Variants in KSR1 observed in about 807,000 individuals in gnomAD.
KSR1 encodes the protein kinase suppressor of ras.
A neutral mutation model predicts 92.9 loss-of-function variants in KSR1; 35 were observed. The observed-to-expected ratio is 0.38, with a 90% CI of 0.29 to 0.50. The LOEUF (loss-of-function observed/expected upper bound fraction) is 0.50, where lower values mean the gene tolerates loss of function less well. Among genes scored for constraint, KSR1 ranks in the 20% least tolerant of loss-of-function variants. The pLI is 0.94. For synonymous variants in KSR1, 467 were observed against 472.6 expected, an observed-to-expected ratio of 0.99 and a Z score of 0.15; for missense variants, 972 against 1,158.5, an observed-to-expected ratio of 0.84 and a Z score of 2.34.
intron 2 of KSR1, among the ~76,000 whole-genome samples, chr17:27,573,898 T>G (rs1051294991): frequency 6.6e-6 from 1 of 152,248 alleles, no homozygotes; most frequent in Non-Finnish European, 1.5e-5. Context: ...TAATAATAAA[T>G]GTAGTTACTT....
chr17:27,501,814 C>G (rs1187975909), intron 1 of KSR1, among the ~76,000 whole-genome samples: 1 of 152,270 alleles, frequency 6.6e-6, no homozygotes, highest in Non-Finnish European at 1.5e-5. Context: ...TAATTTTCAT[C>G]ACAATGATTG....
intron 1 of KSR1, among the ~76,000 whole-genome samples, chr17:27,501,003 A>G (rs192231538): frequency 2.0e-5 from 3 of 152,298 alleles, no homozygotes; most frequent in East Asian, 1.9e-4. Context: ...AGCCCTTCCT[A>G]TGTACCAGGC....
At chr17:27,611,173 C>T in intron 17 of KSR1, 1 of 319,224 alleles carries the variant, frequency 3.1e-6, no homozygotes, top group South Asian at 4.2e-5. Context: ...GACATTAGCC[C>T]CACTGAGGTG....
intron 13 of KSR1, among the ~76,000 whole-genome samples, chr17:27,605,028 G>T (rs905408651): frequency 6.6e-6 from 1 of 152,236 alleles, no homozygotes; most frequent in Non-Finnish European, 1.5e-5. Flanking sequence ...TTATGGCTTG[G>T]AGAATGTTAA....
intron 2 of KSR1, among the ~76,000 whole-genome samples, chr17:27,572,935 T>C (rs914285393): frequency 6.6e-6 from 1 of 152,166 alleles, no homozygotes; most frequent in Admixed American, 6.5e-5. Context: ...TAAGTTAACA[T>C]TGGGTCTCAG....
At chr17:27,541,860 C>T (rs530493095) in intron 1 of KSR1, among the ~76,000 whole-genome samples, 2 of 152,306 alleles carry the variant, frequency 1.3e-5, no homozygotes, top group South Asian at 4.1e-4. Flanking sequence ...AGTGACTTGT[C>T]ATTTGGCTGA....
At chr17:27,502,474 A>G (rs902098703) in intron 1 of KSR1, among the ~76,000 whole-genome samples, 15 of 152,120 alleles carry the variant, frequency 9.9e-5, no homozygotes, top group South Asian at 6.2e-4. Context: ...TCCCTGTACA[A>G]TCTTTTCCTT....
At chr17:27,560,490 A>G (rs1186102892) in intron 2 of KSR1, 2 of 518,920 alleles carry the variant, frequency 3.9e-6, no homozygotes, top group East Asian at 5.5e-5. Flanking sequence ...CTGACTGGAC[A>G]TGTTTCTCTT....
intron 19 of KSR1, among the ~76,000 whole-genome samples, chr17:27,620,267 C>T (rs1215869894): frequency 1.3e-5 from 2 of 152,192 alleles, no homozygotes; most frequent in South Asian, 2.1e-4. Flanking sequence ...TAGAGGTATA[C>T]ATTTTAGGCA....
chr17:27,498,009 C>T (rs1407107535), intron 1 of KSR1, among the ~76,000 whole-genome samples: 1 of 152,128 alleles, frequency 6.6e-6, no homozygotes, highest in Non-Finnish European at 1.5e-5. Flanking sequence ...TTTTTTCCTT[C>T]AGTAGCAGTA....
At chr17:27,604,568 G>A in intron 12 of KSR1, 112 bp from the exon 13 acceptor site, 1 of 1,085,770 alleles carries the variant, frequency 9.2e-7, no homozygotes, top group Non-Finnish European at 1.4e-6. Flanking sequence ...CCCCTAGCCA[G>A]GTGTGAGTCA....
chr17:27,530,230 A>G (rs946775032), intron 1 of KSR1, among the ~76,000 whole-genome samples: 1 of 152,104 alleles, frequency 6.6e-6, no homozygotes, highest in Admixed American at 6.6e-5. Flanking sequence ...GGATCGCTGG[A>G]GCCCAGGAGT....
At chr17:27,482,554 T>C (rs777385688) in intron 1 of KSR1, among the ~76,000 whole-genome samples, 3 of 152,260 alleles carry the variant, frequency 2.0e-5, no homozygotes, top group Non-Finnish European at 4.4e-5. Context: ...CATTATTTTA[T>C]ACTGATGACG....
intron 5 of KSR1, among the ~76,000 whole-genome samples, chr17:27,587,983 C>T (rs1253986356): frequency 1.3e-5 from 2 of 152,230 alleles, no homozygotes; most frequent in African/African-American, 4.8e-5. Context: ...AGAGGAATAT[C>T]CTCCAGGGGC....
At chr17:27,536,593 G>T (rs993990029) in intron 1 of KSR1, among the ~76,000 whole-genome samples, 1 of 152,154 alleles carries the variant, frequency 6.6e-6, no homozygotes, top group Non-Finnish European at 1.5e-5. Context: ...TTCGCTTCCC[G>T]CCCCATGCCT....
chr17:27,521,646 T>C (rs1166206795), intron 1 of KSR1, among the ~76,000 whole-genome samples: 7 of 151,936 alleles, frequency 4.6e-5, no homozygotes, highest in Non-Finnish European at 8.8e-5. Flanking sequence ...TTGCCCAGGC[T>C]GGTCTCAAAC....
In KSR1 at chr17:27,611,354, G is replaced by A; in HGVS notation, c.2358-140G>A. 4 of 1,070,516 alleles carry A rather than the reference G, an allele frequency of 3.7e-6. No homozygotes were observed. In the South Asian group the frequency reaches 6.4e-5, roughly 17 times the overall value. The allele number at this position is 1,070,516 out of a possible 1,614,324, so 66.3% of individuals were successfully genotyped here. On this transcript the variant is annotated intron_variant, in intron 17 of 20. Transcript: ENST00000644974. ...TGGGAGGAGCCTCCAGGAGCCCACTGTAGCATCCCCTGAAGCCAAGTGGGT... is the reference window on the plus strand; with the variant it reads ...TGGGAGGAGCCTCCAGGAGCCCACTATAGCATCCCCTGAAGCCAAGTGGGT...
At chr17:27,606,865 T>C (rs2073770928) in intron 14 of KSR1, among the ~76,000 whole-genome samples, 1 of 151,926 alleles carries the variant, frequency 6.6e-6, no homozygotes, top group Admixed American at 6.5e-5. Context: ...AGGGTCTCGC[T>C]CTGTCACCCA....
intron 1 of KSR1, among the ~76,000 whole-genome samples, chr17:27,491,409 T>TG (rs1294933710): frequency 1.3e-5 from 2 of 151,456 alleles, no homozygotes; most frequent in Non-Finnish European, 2.9e-5. Context: ...AGGCTGGTCT[T>TG]GAACTCCTGA....
Sources: allele counts gnomAD v4.1 joint callset (sites outside exome capture counted in the v4.1 genomes callset), GRCh38; gene constraint gnomAD v4.1.1; transcripts MANE v1.5; gene names NCBI Gene and HGNC (gene_info 2026-07-23, HGNC 2026-07-21).